Variants in CRISP1 observed in about 807,000 individuals in gnomAD.
CRISP1 encodes the protein cysteine-rich secretory protein 1.
In CRISP1, 44 loss-of-function variants were observed where a neutral mutation model predicts 33.1. The observed-to-expected ratio is 1.33, with a 90% CI of 1.05 to 1.71. The LOEUF is 1.71. Ranked by LOEUF, CRISP1 falls within the 40% of genes most tolerant of loss-of-function variation. CRISP1 has a pLI of 0.00. For synonymous variants in CRISP1, 103 were observed against 98.7 expected (o/e 1.04, Z -0.26); for missense variants, 390 against 301.2 (o/e 1.29, Z -2.18).
intron 3 of CRISP1, among the ~76,000 whole-genome samples, chr6:49,850,975 A>G (rs1476901477): frequency 1.3e-5 from 2 of 152,144 alleles, no homozygotes; most frequent in African/African-American, 4.8e-5. Flanking sequence ...TCAGTGTCAT[A>G]ATATGTAAAA....
chr6:49,851,704 C>T lies in CRISP1; in HGVS notation c.195+297G>A, dbSNP rs145581642. Reference sequence around the variant, plus strand: ...GAATCAGGATATCAGAGAGTGAGACCCAGGAAAGTGTGCTTTACTAAGTTC... The same window carrying T: ...GAATCAGGATATCAGAGAGTGAGACTCAGGAAAGTGTGCTTTACTAAGTTC... On this transcript the variant is annotated intron_variant, in intron 3 of 7. Coordinates refer to ENST00000335847, the MANE Select transcript of CRISP1 (RefSeq NM_001131.3). Among the ~76,000 whole-genome samples the T allele has an allele frequency of 7.1e-3, 1,073 of 152,106 alleles. 16 individuals carry two copies. Among genetic ancestry groups the T allele is most frequent in the African/African-American group, 0.025 (1,046 of 41,482 alleles).
At chr6:49,846,373 T>G (rs551591651) in intron 5 of CRISP1, 147 bp downstream of exon 5, 1 of 809,592 alleles carries the variant, frequency 1.2e-6, no homozygotes, top group African/African-American at 1.7e-5. Flanking sequence ...GAACACTTCC[T>G]TCTATTTCAA....
intron 2 of CRISP1, among the ~76,000 whole-genome samples, chr6:49,853,869 C>A (rs1771421619): frequency 6.6e-6 from 1 of 152,188 alleles, no homozygotes; most frequent in Admixed American, 6.6e-5. Flanking sequence ...GTTCTATCAG[C>A]TGAGCATTGC....
Position 49,835,424 on chromosome 6 carries a change from A to AT in CRISP1, c.641dup (p.Tyr214Ter), listed in dbSNP as rs1561936433. The AT allele has an allele frequency of 6.2e-7, 1 of 1,613,756 alleles. No homozygotes were observed. The highest frequency in any genetic ancestry group is 1.7e-5 in the Admixed American group (1 of 60,016). ...DKLCTNPCIY[Y>*]DEYFDCDIQV... ...GTATGTCACAGTCGAAGTATTCATC[A>AT]TAGTAGATGCAGGGGTTAGCTGAAA... is the stretch of plus-strand genomic sequence containing the variant. The change falls in exon 8 of 8, where the codon TAT becomes TAAT. Residue 214 changes from tyrosine (Y) to a stop codon, truncating the protein, a stop_gained and frameshift_variant. Coordinates refer to ENST00000335847, the MANE Select transcript of CRISP1 (RefSeq NM_001131.3). LOFTEE classifies it high-confidence loss of function.
At chr6:49,865,130 T>C (rs534862827) in intron 1 of CRISP1, among the ~76,000 whole-genome samples, 1 of 152,284 alleles carries the variant, frequency 6.6e-6, no homozygotes, top group East Asian at 1.9e-4. Flanking sequence ...GACAGAGTAC[T>C]AGTAACACAA....
intron 6 of CRISP1, among the ~76,000 whole-genome samples, chr6:49,840,227 C>A (rs1434862757): frequency 4.6e-5 from 7 of 152,176 alleles, no homozygotes; most frequent in Admixed American, 3.3e-4. Flanking sequence ...TTGGGCCCTG[C>A]AGTCATCCTT....
At chr6:49,855,410 G>A (rs1771467004) in intron 2 of CRISP1, among the ~76,000 whole-genome samples, 1 of 151,624 alleles carries the variant, frequency 6.6e-6, no homozygotes, top group African/African-American at 2.4e-5. Flanking sequence ...TTTATTCTCA[G>A]CCTCTATTTA....
intron 6 of CRISP1, 132 bp downstream of exon 6, chr6:49,840,766 G>T: frequency 3.2e-6 from 2 of 622,248 alleles, no homozygotes; most frequent in South Asian, 2.3e-5. Flanking sequence ...AAGGACATCT[G>T]GGTTATTTCC....
intron 2 of CRISP1, among the ~76,000 whole-genome samples, chr6:49,856,064 G>A (rs1019896196): frequency 2.0e-5 from 3 of 152,134 alleles, no homozygotes; most frequent in African/African-American, 7.2e-5. Flanking sequence ...TTTTATCAAT[G>A]CCTTCTACTT....
chr6:49,837,874 AC>A (rs1336129883), intron 7 of CRISP1, among the ~76,000 whole-genome samples: 1 of 151,474 alleles, frequency 6.6e-6, no homozygotes, highest in East Asian at 1.9e-4. Flanking sequence ...CTAAAGCTTT[AC>A]CTTAGGTAAG....
chr6:49,855,738 G>A (rs983343789), intron 2 of CRISP1, among the ~76,000 whole-genome samples: 15 of 152,048 alleles, frequency 9.9e-5, no homozygotes, highest in African/African-American at 2.9e-4. Flanking sequence ...TGTTAAATTA[G>A]ACACCTAATA....
intron 2 of CRISP1, among the ~76,000 whole-genome samples, chr6:49,855,807 T>TCTATTTG (rs1771478866): frequency 6.6e-6 from 1 of 152,190 alleles, no homozygotes; most frequent in Non-Finnish European, 1.5e-5. Flanking sequence ...TGGTGGTTAG[T>TCTATTTG]CTATTTGCTT....
chr6:49,874,068 T>G (rs1210473116), intron 1 of CRISP1, among the ~76,000 whole-genome samples: 1 of 152,064 alleles, frequency 6.6e-6, no homozygotes, highest in African/African-American at 2.4e-5. Context: ...TAATATACCA[T>G]GTTGAATTTT....
At chr6:49,867,252 T>C (rs1033596359), upstream of CRISP1, among the ~76,000 whole-genome samples, 8 of 152,098 alleles carry the variant, frequency 5.3e-5, no homozygotes, top group African/African-American at 1.9e-4. Context: ...CATATGAGAA[T>C]AGAAAATTTA....
chr6:49,853,865 T>C (rs1433635452), intron 2 of CRISP1, among the ~76,000 whole-genome samples: 1 of 152,154 alleles, frequency 6.6e-6, no homozygotes, highest in Non-Finnish European at 1.5e-5. Context: ...GCCTGTTCTA[T>C]CAGCTGAGCA....
At chr6:49,848,070 A>G (rs1340470501) in intron 4 of CRISP1, 139 bp downstream of exon 4, 2 of 491,276 alleles carry the variant, frequency 4.1e-6, no homozygotes, top group African/African-American at 2.0e-5. Context: ...ATAGTCCACA[A>G]TTCACTGCCT....
At chr6:49,850,479 T>C (rs1771314633) in intron 3 of CRISP1, among the ~76,000 whole-genome samples, 1 of 152,086 alleles carries the variant, frequency 6.6e-6, no homozygotes, top group South Asian at 2.1e-4. Context: ...TAGGTTCTAA[T>C]ATTGTGTTCA....
In CRISP1 at chr6:49,846,564, A is replaced by C. The variant is rs527254619; in HGVS notation, c.391T>G (p.Trp131Gly). ...SESTSFKHGE[W>G]TTTDDDITTD... ...GTTATGTCATCATCCGTTGTTGTCC[A>C]TTCTCCATGTTTGAAACTTGTAGAC... Residue 131 changes from tryptophan to glycine, a missense_variant, in exon 5 of 8, where the codon TGG becomes GGG. By Grantham distance (184) the Trp-to-Gly change is radical (BLOSUM62 -2). Coordinates refer to ENST00000335847, the MANE Select transcript of CRISP1 (RefSeq NM_001131.3). The C allele has an allele frequency of 4.3e-6, 7 of 1,613,642 alleles. No homozygotes were observed. The highest frequency in any genetic ancestry group is 1.3e-5 in the African/African-American group (1 of 75,022).
chr6:49,868,857 A>G (rs779929024), upstream of CRISP1, among the ~76,000 whole-genome samples: 39 of 152,182 alleles, frequency 2.6e-4, no homozygotes, highest in Non-Finnish European at 5.4e-4. Flanking sequence ...TCTAGACTTT[A>G]ACAAATTCAA....
Sources: allele counts gnomAD v4.1 joint callset (sites outside exome capture counted in the v4.1 genomes callset), GRCh38; gene constraint gnomAD v4.1.1; transcripts MANE v1.5; gene names NCBI Gene and HGNC (gene_info 2026-07-23, HGNC 2026-07-21).